Variants in SLC12A4 observed in about 807,000 individuals in gnomAD.
SLC12A4 encodes electroneutral potassium-chloride cotransporter 1.
SLC12A4 carries 84 observed loss-of-function variants against 119.2 expected under a neutral mutation model. The ratio of observed to expected loss-of-function variants is 0.70; its 90% CI spans 0.59 to 0.85. The LOEUF (loss-of-function observed/expected upper bound fraction) is 0.85, where lower values mean the gene tolerates loss of function less well. Ranked by LOEUF, SLC12A4 falls within the 40% of genes least tolerant of loss-of-function variation. SLC12A4 has a pLI of 0.00. For synonymous variants in SLC12A4, 599 were observed against 604.6 expected (o/e 0.99, Z 0.14); for missense variants, 1,298 against 1,476.3 (o/e 0.88, Z 1.98).
intron 13 of SLC12A4, 26 bp from the exon 14 acceptor site, chr16:67,948,185 A>G: frequency 6.2e-7 from 1 of 1,608,652 alleles, no homozygotes; most frequent in Non-Finnish European, 8.5e-7. Context: ...CGGTTGGCGA[A>G]GAGCAGCCTC....
chr16:67,946,967 C>A lies in SLC12A4; in HGVS notation c.2211G>T (p.Glu737Asp). ...VGSVIQGSFLESYGEAQAAEQ... is the reference protein window; with the variant it reads ...VGSVIQGSFLDSYGEAQAAEQ... The stretch of plus-strand genomic sequence containing the variant: ...CGGCGGCCTGAGCCTCGCCATAGCT[C>A]TCCAAGAAGCTCCCCTGGATGACAG... Residue 737 changes from glutamate (E) to aspartate (D), a missense_variant, in exon 17 of 24, where the codon GAG becomes GAT. Coordinates refer to ENST00000316341, the MANE Select transcript of SLC12A4 (RefSeq NM_005072.5). 1 of 1,613,264 alleles carries A rather than the reference C, an allele frequency of 6.2e-7. No individual in the cohort carries two copies. The highest frequency in any genetic ancestry group is 1.1e-5 in the South Asian group (1 of 91,086).
chr16:67,961,955 C>T (rs577687318), intron 2 of SLC12A4, among the ~76,000 whole-genome samples: 4 of 152,342 alleles, frequency 2.6e-5, no homozygotes, highest in African/African-American at 9.6e-5. Flanking sequence ...TCACTGCCAG[C>T]CCATTTGTGA....
In SLC12A4 at chr16:67,961,685, T is replaced by C. The variant is rs778866523; in HGVS notation, c.232A>G (p.Lys78Glu). The C allele has an allele frequency of 1.2e-6, 2 of 1,614,004 alleles. No individual in the cohort carries two copies. The highest frequency in any genetic ancestry group is 2.7e-5 in the African/African-American group (2 of 74,944). The change falls in exon 3 of 24, where the codon AAG becomes GAG. Residue 78 changes from lysine (K) to glutamate (E), a missense_variant. By Grantham distance (56) the Lys-to-Glu change is moderately conservative. Transcript: ENST00000316341. ...LFEEELDIRP[K>E]VSSLLGKLVS... ...AGCTTTCCCAGAAGAGACGATACCTTTGGGCGGATGTCCAGCTCTTCCTGC... is the reference window on the plus strand; with the variant it reads ...AGCTTTCCCAGAAGAGACGATACCTCTGGGCGGATGTCCAGCTCTTCCTGC...
At chr16:67,953,379 T>G (rs917466094) in intron 6 of SLC12A4, among the ~76,000 whole-genome samples, 1 of 152,160 alleles carries the variant, frequency 6.6e-6, no homozygotes, top group African/African-American at 2.4e-5. Context: ...AGAGTGAGAC[T>G]GCATCTCAAA....
In SLC12A4 at chr16:67,951,122, T is replaced by A; in HGVS notation, c.1297+18A>T. On this transcript the variant is annotated intron_variant, in intron 9 of 23. Transcript: ENST00000316341. The surrounding 1 kb of genome is among the most constrained non-coding windows in gnomAD (Gnocchi z 5.2). ...GGGATTGGGGACAGGGCTGGGTGGG[T>A]AGGCAGGCAGGGCTCACCTGTTACA... The A allele has an allele frequency of 6.2e-7, 1 of 1,613,500 alleles. No individual in the cohort carries two copies. Among genetic ancestry groups the A allele is most frequent in the Non-Finnish European group, 8.5e-7 (1 of 1,179,648 alleles).
intron 1 of SLC12A4, among the ~76,000 whole-genome samples, chr16:67,965,661 T>C (rs1445269028): frequency 6.6e-6 from 1 of 152,170 alleles, no homozygotes; most frequent in Non-Finnish European, 1.5e-5. Context: ...TGTATTGCTA[T>C]CCAGAAAATA....
At chr16:67,959,804 G>A (rs1049907612) in intron 3 of SLC12A4, among the ~76,000 whole-genome samples, 7 of 152,236 alleles carry the variant, frequency 4.6e-5, no homozygotes, top group African/African-American at 1.7e-4. Flanking sequence ...CATCAAGCCG[G>A]TGCTGGAGCT....
At chr16:67,966,984 GA>G in intron 1 of SLC12A4, 1 of 1,096,942 alleles carries the variant, frequency 9.1e-7, no homozygotes, top group Non-Finnish European at 1.2e-6. Context: ...GGTCCAGGCT[GA>G]TCCTGGGGAT....
At chr16:67,945,693 C>A in intron 21 of SLC12A4, 71 bp downstream of exon 21, 1 of 1,525,042 alleles carries the variant, frequency 6.6e-7, no homozygotes. Context: ...GATTCCTCCG[C>A]ACCCACCGAT....
intron 21 of SLC12A4, 87 bp from the exon 22 acceptor site, chr16:67,945,640 G>A: frequency 6.6e-7 from 1 of 1,519,086 alleles, no homozygotes; most frequent in Non-Finnish European, 9.0e-7. Context: ...CTTGCCTCCG[G>A]GAAATGAGCA....
Position 67,947,085 on chromosome 16 carries a change from A to T in SLC12A4, c.2093T>A (p.Leu698Gln), listed in dbSNP as rs1186807699. 1 of 1,600,228 alleles carries T rather than the reference A, an allele frequency of 6.2e-7. No homozygotes were observed. The highest frequency in any genetic ancestry group is 2.3e-5 in the East Asian group (1 of 44,084). Reference sequence around the variant, plus strand: ...CACGTGGAGGTCCTCGTCCAGCTTCAGCAGCACCAGCAGCTGCGGCCTGCA... The same window carrying T: ...CACGTGGAGGTCCTCGTCCAGCTTCTGCAGCACCAGCAGCTGCGGCCTGCA... The part of the protein sequence containing the change: ...KNWRPQLLVL[L>Q]KLDEDLHVKY... Residue 698 changes from leucine (L) to glutamine (Q), a missense_variant, in exon 17 of 24, where the codon CTG becomes CAG. Physicochemically the swap from Leu to Gln is moderately radical, Grantham distance 113. Transcript: ENST00000316341.
chr16:67,964,104 G>A (rs1318071581), intron 1 of SLC12A4: 2 of 1,518,186 alleles, frequency 1.3e-6, no homozygotes, highest in East Asian at 2.5e-5. Context: ...GGGGCATGCC[G>A]GGAGGTGGGG....
At chr16:67,952,497 T>C in intron 6 of SLC12A4, 72 bp from the exon 7 acceptor site, 2 of 1,564,112 alleles carry the variant, frequency 1.3e-6, no homozygotes, top group Non-Finnish European at 1.8e-6. Flanking sequence ...TTTGGTTTTC[T>C]TTTTACGAGT....
Position 67,945,544 on chromosome 16 carries a change from C to A in SLC12A4, c.2857G>T (p.Val953Phe). The A allele has an allele frequency of 6.2e-7, 1 of 1,613,370 alleles. No individual in the cohort carries two copies. Among genetic ancestry groups the A allele is most frequent in the Non-Finnish European group, 8.5e-7 (1 of 1,179,684 alleles). Residue 953 changes from valine to phenylalanine, a missense_variant, in exon 22 of 24, where the codon GTC becomes TTC. Coordinates refer to ENST00000316341, the MANE Select transcript of SLC12A4 (RefSeq NM_005072.5). ...CGCAGGGCCGAGTGCCGATCCTTGA[C>A]CAGCTGGGCCTGAGGACAATTGCAG... is the stretch of plus-strand genomic sequence containing the variant. ...KTEREREAQLVKDRHSALRLE... is the reference protein window; with the variant it reads ...KTEREREAQLFKDRHSALRLE...
intron 5 of SLC12A4, 52 bp downstream of exon 5, chr16:67,957,690 C>G: frequency 6.2e-7 from 1 of 1,607,642 alleles, no homozygotes; most frequent in South Asian, 1.1e-5. Context: ...TAGGTCAAGG[C>G]AGATACTGGG....
intron 3 of SLC12A4, among the ~76,000 whole-genome samples, chr16:67,959,071 A>G (rs1296461446): frequency 6.6e-6 from 1 of 152,152 alleles, no homozygotes; most frequent in East Asian, 1.9e-4. Context: ...GGTGCTTTGG[A>G]AGCCCCTGGG....
rs1049620035 is a variant in SLC12A4 at position 67,950,159 on chromosome 16, G to A, written c.1629+160C>T. The A allele has an allele frequency of 2.0e-5, 17 of 851,696 alleles. No individual in the cohort carries two copies. Among genetic ancestry groups the A allele is most frequent in the South Asian group, 5.3e-5 (3 of 56,248 alleles). 52.8% of individuals were successfully genotyped at this position (851,696 alleles called of 1,614,324 possible). A position where few individuals can be genotyped will look rare whatever the true frequency, so the allele number is the denominator to read the frequency against. ...CAGGCAGCTCCAGGCCCAGGTGAGT[G>A]CCAGGCCCAGGGCACTTCTCAGTAG... On this transcript the variant is annotated intron_variant, in intron 12 of 23. Coordinates refer to ENST00000316341, the MANE Select transcript of SLC12A4 (RefSeq NM_005072.5). The surrounding 1 kb of genome is among the most constrained non-coding windows in gnomAD (Gnocchi z 4.3).
intron 2 of SLC12A4, 43 bp from the exon 3 acceptor site, chr16:67,961,749 G>A (rs1421420078): frequency 2.5e-6 from 4 of 1,610,178 alleles, no homozygotes; most frequent in African/African-American, 1.3e-5. Flanking sequence ...GGGCCAGGTG[G>A]GTGCCAGCTG....
chr16:67,966,344 G>A (rs1330827333), intron 1 of SLC12A4, among the ~76,000 whole-genome samples: 1 of 152,254 alleles, frequency 6.6e-6, no homozygotes, highest in Non-Finnish European at 1.5e-5. Context: ...TCTGGCCTCA[G>A]CCATTCCAAA....
Sources: gnomAD v4.1 joint callset for allele counts (sites outside exome capture counted in the v4.1 genomes callset) on GRCh38, gnomAD v4.1.1 for gene constraint, Gnocchi (gnomAD v3.1) non-coding constraint, MANE v1.5 for transcripts, NCBI Gene and HGNC (gene_info 2026-07-23, HGNC 2026-07-21) for gene names.